ATP6V0A1: variants seen among roughly 807,000 people sequenced by gnomAD.
The protein encoded by ATP6V0A1 is ATPase H+ transporting V0 subunit a1.
ATP6V0A1 carries 43 observed loss-of-function variants against 105.4 expected under a neutral mutation model. The ratio of observed to expected loss-of-function variants is 0.41; its 90% CI spans 0.32 to 0.53. The LOEUF (loss-of-function observed/expected upper bound fraction) is 0.53. Among genes scored for constraint, ATP6V0A1 ranks in the 20% least tolerant of loss-of-function variants. The probability of loss-of-function intolerance (pLI) is 0.30; values close to 1 mark genes in which losing one functional copy is unlikely to be tolerated. For missense variants in ATP6V0A1, 676 were observed against 1,051.1 expected (o/e 0.64, Z 4.93); for synonymous variants, 362 against 372.8 (o/e 0.97, Z 0.33).
intron 9 of ATP6V0A1, among the ~76,000 whole-genome samples, chr17:42,486,374 G>A (rs2090115221): frequency 6.6e-6 from 1 of 151,906 alleles, no homozygotes; most frequent in African/African-American, 2.4e-5. Context: ...CCACGCCACT[G>A]CACTCCAGCC....
intron 5 of ATP6V0A1, among the ~76,000 whole-genome samples, chr17:42,474,220 T>A (rs936171083): frequency 2.0e-4 from 30 of 151,988 alleles, no homozygotes; most frequent in African/African-American, 7.3e-4. Flanking sequence ...GCCAGGCTGG[T>A]CTCGAACTCT....
chr17:42,487,114 G>A (rs760868220), intron 9 of ATP6V0A1, 41 bp from the exon 10 acceptor site: 1 of 1,588,770 alleles, frequency 6.3e-7, no homozygotes, highest in East Asian at 2.2e-5. Context: ...TCTAAAACTG[G>A]TGTTAAAAGG....
intron 4 of ATP6V0A1, among the ~76,000 whole-genome samples, chr17:42,468,729 G>A (rs1011860912): frequency 2.6e-5 from 4 of 151,968 alleles, no homozygotes; most frequent in African/African-American, 9.7e-5. Context: ...TTTTTTTATG[G>A]CCAGACCATA....
intron 2 of ATP6V0A1, among the ~76,000 whole-genome samples, chr17:42,462,998 C>T (rs1598652377): frequency 1.8e-4 from 12 of 66,188 alleles, no homozygotes; most frequent in Admixed American, 5.1e-4. Context: ...GGATATGGAA[C>T]TTTTTTTTTT....
In ATP6V0A1 at chr17:42,514,290, G is replaced by A; in HGVS notation, c.2250G>A (p.Gln750=). 2 of 1,584,740 alleles carry A rather than the reference G, an allele frequency of 1.3e-6. No individual in the cohort carries two copies. Among genetic ancestry groups the A allele is most frequent in the South Asian group, 1.2e-5 (1 of 86,370 alleles). Residue 750 remains glutamine (Q), a splice_region_variant and synonymous_variant, in exon 21 of 22, where the codon CAG becomes CAA. Transcript: ENST00000343619. ...GATTTTGTGTCTCCCATTCCCCAGA[G>A]CTGTCTGAGGTGCTTTGGACCATGG... ...RLWALSLAHA[Q]LSEVLWTMVI... is the part of the protein sequence containing the mutation.
At chr17:42,466,298 G>T (rs1446270099) in intron 2 of ATP6V0A1, 131 bp from the exon 3 acceptor site, 1 of 661,728 alleles carries the variant, frequency 1.5e-6, no homozygotes, top group African/African-American at 1.8e-5. Flanking sequence ...TGGATCAGTA[G>T]ACAGTTTTGA....
chr17:42,475,584 GTTC>G lies in ATP6V0A1; in HGVS notation c.424-2069_424-2067del, dbSNP rs780879000. The stretch of plus-strand genomic sequence containing the variant: ...TGTATTTTATGTGTGGCCCAAGACA[GTTC>G]TTCTTCCAATGTGGCCCAGGGAAGC... On this transcript the variant is annotated intron_variant, in intron 5 of 21. Coordinates refer to ENST00000343619, the MANE Select transcript of ATP6V0A1 (RefSeq NM_001130021.3). Among the ~76,000 whole-genome samples the G allele has an allele frequency of 1.1e-4, 16 of 152,146 alleles. 1 individual carries two copies. In the South Asian group the frequency reaches 2.3e-3, roughly 22 times the overall value.
chr17:42,492,111 G>C (rs1294996678), intron 11 of ATP6V0A1, among the ~76,000 whole-genome samples: 1 of 152,142 alleles, frequency 6.6e-6, no homozygotes, highest in East Asian at 1.9e-4. Flanking sequence ...GCTCACGCCT[G>C]TAATCCCAGC....
intron 9 of ATP6V0A1, among the ~76,000 whole-genome samples, chr17:42,484,977 G>A (rs1008404061): frequency 6.6e-6 from 1 of 151,698 alleles, no homozygotes; most frequent in Non-Finnish European, 1.5e-5. Context: ...AGCCTCCTGA[G>A]TAGCTGTGAT....
chr17:42,468,312 G>A lies in ATP6V0A1; in HGVS notation c.294+205G>A, dbSNP rs759072590. Among the ~76,000 whole-genome samples, 5 of 152,142 alleles carry A rather than the reference G, an allele frequency of 3.3e-5. No homozygotes were observed. In the East Asian group the frequency reaches 5.8e-4, roughly 18 times the overall value. On this transcript the variant is annotated intron_variant, in intron 4 of 21. Coordinates refer to ENST00000343619, the MANE Select transcript of ATP6V0A1 (RefSeq NM_001130021.3). The stretch of plus-strand genomic sequence containing the variant: ...TGATATTTTGGTATATACATAGAAT[G>A]TGTATATACCAAGTCAGGGTATTTG...
At chr17:42,478,769 G>T in intron 7 of ATP6V0A1, 180 bp downstream of exon 7, 7 of 442,242 alleles carry the variant, frequency 1.6e-5, no homozygotes, top group Non-Finnish European at 2.6e-5. Flanking sequence ...TATACATATG[G>T]ATGTATGATG....
chr17:42,498,420 A>T (rs2091379557), intron 14 of ATP6V0A1, among the ~76,000 whole-genome samples: 1 of 149,886 alleles, frequency 6.7e-6, no homozygotes, highest in East Asian at 1.9e-4. Context: ...AAGCAAGATT[A>T]AAAAAAAAAA....
At position 42,477,664 on chromosome 17, in the gene ATP6V0A1, C is replaced by T. The variant is rs140591345; in HGVS notation, c.428C>T (p.Ala143Val). 8.1e-5 allele frequency: 131 copies of T among 1,613,290 alleles called. No homozygotes were observed. The highest frequency in any genetic ancestry group is 9.3e-5 in the Non-Finnish European group (110 of 1,179,646). ...RKTQQFFDEM[A>V]DPDLLEESSS... ...GCTGAATTGCATCATCAGCAGATGGCGGATCCAGACTTGTTGGAAGAGTCC... is the reference window on the plus strand; with the variant it reads ...GCTGAATTGCATCATCAGCAGATGGTGGATCCAGACTTGTTGGAAGAGTCC... Residue 143 changes from alanine (A) to valine (V), a missense_variant, in exon 6 of 22, where the codon GCG becomes GTG. This residue lies in a region of ATP6V0A1 where 239 missense variants were observed against 388.4 expected (regional missense o/e 0.62). Coordinates refer to ENST00000343619, the MANE Select transcript of ATP6V0A1 (RefSeq NM_001130021.3).
Position 42,466,511 on chromosome 17 carries a change from T to G in ATP6V0A1, c.196+4T>G, listed in dbSNP as rs1434693456. On this transcript the variant is annotated splice_donor_region_variant and intron_variant, in intron 3 of 21. Transcript: ENST00000343619. ...GAAGAAATGGATCGAAAGCTTCGTA[T>G]GTGCACTTTGGTCTTGTGTAATGTT... 6.2e-7 allele frequency: 1 copy of G among 1,611,658 alleles called. No homozygotes were observed. The highest frequency in any genetic ancestry group is 8.5e-7 in the Non-Finnish European group (1 of 1,177,930).
chr17:42,495,429 G>A (rs1259867868), intron 13 of ATP6V0A1, among the ~76,000 whole-genome samples, 197 bp from the exon 14 acceptor site: 2 of 151,622 alleles, frequency 1.3e-5, no homozygotes, highest in Non-Finnish European at 2.9e-5. Context: ...TTGATTGTGT[G>A]TTTGTGTGTT....
chr17:42,495,018 T>C lies in ATP6V0A1; in HGVS notation c.1315-16T>C. ...CAGTGAGTACATTCTCATTACTTCT[T>C]TCTTCTGGTTCCCAGATGTTTAGCA... On this transcript the variant is annotated splice_polypyrimidine_tract_variant and intron_variant, in intron 12 of 21. Transcript: ENST00000343619. The C allele has an allele frequency of 1.2e-6, 2 of 1,611,400 alleles. No individual in the cohort carries two copies. The highest frequency in any genetic ancestry group is 1.7e-6 in the Non-Finnish European group (2 of 1,177,680).
chr17:42,499,171 C>G (rs954029612), intron 15 of ATP6V0A1, 129 bp downstream of exon 15: 3 of 743,938 alleles, frequency 4.0e-6, no homozygotes, highest in Non-Finnish European at 6.6e-6. Flanking sequence ...AAGTGCTTTT[C>G]TAAAAATTTA....
At chr17:42,486,602 T>A (rs894385595) in intron 9 of ATP6V0A1, among the ~76,000 whole-genome samples, 2 of 152,144 alleles carry the variant, frequency 1.3e-5, no homozygotes, top group Non-Finnish European at 2.9e-5. Context: ...GCTGCCCTCA[T>A]GATGGCAGTG....
At chr17:42,478,736 C>A in intron 7 of ATP6V0A1, 147 bp downstream of exon 7, 2 of 820,140 alleles carry the variant, frequency 2.4e-6, no homozygotes, top group Non-Finnish European at 1.7e-6. Flanking sequence ...TGAAGTACTT[C>A]CTCTTAGTTA....
Sources: allele counts gnomAD v4.1 joint callset (sites outside exome capture counted in the v4.1 genomes callset), GRCh38; gene constraint gnomAD v4.1.1; regional missense constraint gnomAD v4.1.1; transcripts MANE v1.5; gene names NCBI Gene and HGNC (gene_info 2026-07-23, HGNC 2026-07-21).